The following COL23A1 variants were observed in gnomAD, a reference collection of about 807,000 sequenced individuals.
COL23A1 encodes collagen alpha-1(XXIII) chain.
In COL23A1, 97 loss-of-function variants were observed where a neutral mutation model predicts 99.3. That is an observed-to-expected ratio of 0.98 (90% confidence interval 0.83 to 1.16). The LOEUF is 1.16. Among genes scored for constraint, COL23A1 ranks in the 50% most tolerant of loss-of-function variants. COL23A1 has a pLI of 0.00. For synonymous variants in COL23A1, 320 were observed against 308.2 expected (o/e 1.04, Z -0.40); for missense variants, 762 against 757.4 (o/e 1.01, Z -0.07).
intron 11 of COL23A1, among the ~76,000 whole-genome samples, chr5:178,260,419 A>G (rs1367449831): frequency 6.6e-6 from 1 of 152,234 alleles, no homozygotes; most frequent in Non-Finnish European, 1.5e-5. Context: ...AAGTGAAAGG[A>G]GCCAATCTGA....
chr5:178,436,758 T>C (rs1281317043), intron 2 of COL23A1, among the ~76,000 whole-genome samples: 1 of 152,220 alleles, frequency 6.6e-6, no homozygotes, highest in Non-Finnish European at 1.5e-5. Context: ...CTAACATTTA[T>C]TGGGTACTTA....
At chr5:178,256,445 A>C (rs1765303855) in intron 14 of COL23A1, 48 bp from the exon 15 acceptor site, 1 of 1,570,816 alleles carries the variant, frequency 6.4e-7, no homozygotes, top group Non-Finnish European at 8.7e-7. Context: ...TGAAGCCAAA[A>C]CACACCTCCC....
At chr5:178,247,433 G>T in intron 22 of COL23A1, 93 bp downstream of exon 22, 1 of 1,413,488 alleles carries the variant, frequency 7.1e-7, no homozygotes, top group Non-Finnish European at 1.0e-6. Context: ...CCAGGGCGGA[G>T]CGTCAGGCCC....
chr5:178,493,767 G>A (rs980796716), intron 2 of COL23A1, among the ~76,000 whole-genome samples: 1 of 152,232 alleles, frequency 6.6e-6, no homozygotes, highest in Non-Finnish European at 1.5e-5. Flanking sequence ...CCTTTCCAAA[G>A]CAAAGCTGCC....
chr5:178,513,038 C>T (rs995292175), intron 2 of COL23A1, among the ~76,000 whole-genome samples: 1 of 152,152 alleles, frequency 6.6e-6, no homozygotes, highest in African/African-American at 2.4e-5. Context: ...AAGAGAAGGC[C>T]ATATTCCAGG....
intron 2 of COL23A1, among the ~76,000 whole-genome samples, chr5:178,406,428 C>CTTTTTTTTTTT (rs61274419): frequency 2.8e-5 from 4 of 142,040 alleles, no homozygotes; most frequent in Non-Finnish European, 3.1e-5. Flanking sequence ...TACCTACACT[C>CTTTTTTTTTTT]TTTTTTTTTT....
intron 2 of COL23A1, among the ~76,000 whole-genome samples, chr5:178,357,636 C>T (rs1761733984): frequency 6.6e-6 from 1 of 152,148 alleles, no homozygotes; most frequent in South Asian, 2.1e-4. Flanking sequence ...CATGTTTGTC[C>T]CAAATATAAA....
chr5:178,502,379 C>CTCAT, intron 2 of COL23A1, among the ~76,000 whole-genome samples: 1 of 152,212 alleles, frequency 6.6e-6, no homozygotes, highest in Non-Finnish European at 1.5e-5. Flanking sequence ...GATCTGCCCG[C>CTCAT]CTCGGCCTCC....
chr5:178,286,482 T>G (rs1757157757), intron 5 of COL23A1, among the ~76,000 whole-genome samples: 1 of 152,196 alleles, frequency 6.6e-6, no homozygotes, highest in Non-Finnish European at 1.5e-5. Context: ...AGCTTCGTCT[T>G]TAATTCCCGA....
At chr5:178,392,294 G>A (rs906907912) in intron 2 of COL23A1, among the ~76,000 whole-genome samples, 1 of 152,038 alleles carries the variant, frequency 6.6e-6, no homozygotes, top group Non-Finnish European at 1.5e-5. Context: ...GGCTGAGCCC[G>A]CACGGACGCA....
chr5:178,316,433 C>T lies in COL23A1; in HGVS notation c.362-9514G>A, dbSNP rs72820912. Among the ~76,000 whole-genome samples the T allele has an allele frequency of 4.8e-3, 736 of 152,264 alleles. 3 individuals carry two copies. The highest frequency in any genetic ancestry group is 7.1e-3 in the Non-Finnish European group (483 of 68,018). ...ATACAGAGTTTTAACGAAATTTGAA[C>T]GATTAAAATTAAGCCTTGGCTGGAT... On this transcript the variant is annotated intron_variant, in intron 2 of 28. Transcript: ENST00000390654.
At chr5:178,469,139 C>T (rs573029619) in intron 2 of COL23A1, among the ~76,000 whole-genome samples, 1 of 152,360 alleles carries the variant, frequency 6.6e-6, no homozygotes, top group African/African-American at 2.4e-5. Flanking sequence ...CACATTGTGT[C>T]TATCCATTCT....
At chr5:178,382,230 T>C (rs1407871468) in intron 2 of COL23A1, among the ~76,000 whole-genome samples, 2 of 152,142 alleles carry the variant, frequency 1.3e-5, no homozygotes, top group African/African-American at 2.4e-5. Context: ...GAGTCCCAGC[T>C]GCAGCTGCTG....
chr5:178,250,339 A>T (rs1045515133), intron 17 of COL23A1, among the ~76,000 whole-genome samples: 3 of 152,172 alleles, frequency 2.0e-5, no homozygotes, highest in Non-Finnish European at 1.5e-5. Flanking sequence ...TGAGGCTTGG[A>T]GGGTTAAGTG....
chr5:178,312,500 G>C (rs1309571603), intron 2 of COL23A1, among the ~76,000 whole-genome samples: 1 of 152,158 alleles, frequency 6.6e-6, no homozygotes, highest in Non-Finnish European at 1.5e-5. Flanking sequence ...CAACTCCAAA[G>C]GGGGGCCTCG....
intron 3 of COL23A1, among the ~76,000 whole-genome samples, chr5:178,296,434 T>C (rs948628819): frequency 1.3e-5 from 2 of 152,154 alleles, no homozygotes; most frequent in African/African-American, 2.4e-5. Flanking sequence ...CAGGGTCATG[T>C]CCTCTTCTGA....
intron 2 of COL23A1, among the ~76,000 whole-genome samples, chr5:178,443,646 C>T (rs1331915193): frequency 4.7e-5 from 7 of 150,014 alleles, no homozygotes; most frequent in African/African-American, 7.4e-5. Flanking sequence ...TTCGTACAGA[C>T]GGGGTTTCAC....
At chr5:178,358,224 A>AGTGTG in intron 2 of COL23A1, among the ~76,000 whole-genome samples, 1 of 53,448 alleles carries the variant, frequency 1.9e-5, no homozygotes, top group Middle Eastern at 0.017. Flanking sequence ...TGTGTGTCTA[A>AGTGTG]TGTGTGTATG....
intron 1 of COL23A1, among the ~76,000 whole-genome samples, chr5:178,572,869 T>G (rs1763176519): frequency 6.6e-6 from 1 of 152,244 alleles, no homozygotes; most frequent in Non-Finnish European, 1.5e-5. Flanking sequence ...TTAACTATTG[T>G]GCAAAAGCAG....
Sources: allele counts gnomAD v4.1 joint callset (sites outside exome capture counted in the v4.1 genomes callset), GRCh38; gene constraint gnomAD v4.1.1; transcripts MANE v1.5; gene names NCBI Gene and HGNC (gene_info 2026-07-23, HGNC 2026-07-21).